The following PCNX1 variants were observed in gnomAD, a reference collection of about 807,000 sequenced individuals.
PCNX1 encodes the protein pecanex-like protein 1.
In PCNX1, 78 loss-of-function variants were observed where a neutral mutation model predicts 242.2. The observed-to-expected ratio is 0.32, with a 90% confidence interval of 0.27 to 0.39. The LOEUF (loss-of-function observed/expected upper bound fraction) is 0.39, where lower values mean the gene tolerates loss of function less well. PCNX1 is among the 10% of genes least tolerant of loss of function. PCNX1 has a pLI of 1.00. For synonymous variants in PCNX1, 1,024 were observed against 1,032.9 expected (o/e 0.99, Z 0.17); for missense variants, 2,581 against 2,856.5 (o/e 0.90, Z 2.20).
At chr14:71,039,040 G>T (rs1465183563) in intron 19 of PCNX1, among the ~76,000 whole-genome samples, 2 of 151,710 alleles carry the variant, frequency 1.3e-5, no homozygotes, top group Non-Finnish European at 2.9e-5. Context: ...CATGGACACA[G>T]GAAGGGGAAC....
At position 70,907,578 on chromosome 14, in the gene PCNX1, A is replaced by C. The variant is rs2055613202; in HGVS notation, c.-273A>C. ...GCGGCTCCGGGTGTTAGGAGACAAG[A>C]TGGCGGCGGCTCTCAGAAGGCCGGT... On this transcript the variant is annotated 5_prime_UTR_variant, in exon 1 of 36. It removes an upstream start codon present in the reference 5' UTR. Transcript: ENST00000304743. 1 of 191,212 alleles carries C rather than the reference A, an allele frequency of 5.2e-6. No individual in the cohort carries two copies. The highest frequency in any genetic ancestry group is 2.4e-5 in the African/African-American group (1 of 41,462). The allele number at this position is 191,212 out of a possible 1,614,324, so 11.8% of individuals were successfully genotyped here. A position where few individuals can be genotyped will look rare whatever the true frequency, so the allele number is the denominator to read the frequency against.
At chr14:70,928,799 A>G (rs1292365492) in intron 1 of PCNX1, among the ~76,000 whole-genome samples, 1 of 152,188 alleles carries the variant, frequency 6.6e-6, no homozygotes, top group African/African-American at 2.4e-5. Context: ...TCTGTACCAG[A>G]CTATTTCTTT....
At chr14:70,959,049 A>G (rs1296811043) in intron 2 of PCNX1, among the ~76,000 whole-genome samples, 1 of 150,082 alleles carries the variant, frequency 6.7e-6, no homozygotes, top group Admixed American at 6.6e-5. Context: ...TATATAGACT[A>G]TTGACTACTT....
At chr14:71,050,154 T>TG (rs2060981531) in intron 22 of PCNX1, among the ~76,000 whole-genome samples, 1 of 102,886 alleles carries the variant, frequency 9.7e-6, no homozygotes, top group Non-Finnish European at 1.8e-5. Context: ...GCAGACATCT[T>TG]GATTTTTTTT....
intron 2 of PCNX1, among the ~76,000 whole-genome samples, chr14:70,957,088 C>T (rs1239213655): frequency 5.3e-5 from 8 of 152,100 alleles, no homozygotes; most frequent in South Asian, 4.2e-4. Context: ...CTTTACCTCC[C>T]GGGCTAAATC....
chr14:70,962,320 C>G lies in PCNX1; in HGVS notation c.457C>G (p.Pro153Ala), dbSNP rs751334756. 1 of 1,605,980 alleles carries G rather than the reference C, an allele frequency of 6.2e-7. No individual in the cohort carries two copies. The highest frequency in any genetic ancestry group is 8.5e-7 in the Non-Finnish European group (1 of 1,172,676). The change falls in exon 3 of 36, where the codon CCA becomes GCA. Residue 153 changes from proline to alanine, a missense_variant. By Grantham distance (27) the Pro-to-Ala change is conservative. Coordinates refer to ENST00000304743, the MANE Select transcript of PCNX1 (RefSeq NM_014982.3). Reference protein sequence around the residue: ...SSRNSYAGLDPSNQIGSGSSR... With the variant: ...SSRNSYAGLDASNQIGSGSSR... ...CAGAAATTCTTATGCCGGTCTAGAT[C>G]CAAGCAACCAGGTAGGAACCTGCGC...
At position 71,023,310 on chromosome 14, in the gene PCNX1, T is replaced by C. The variant is rs532234701; in HGVS notation, c.3183+78T>C. The C allele has an allele frequency of 4.0e-4, 466 of 1,152,236 alleles. 2 individuals are homozygous for C. The highest frequency in any genetic ancestry group is 3.0e-3 in the Middle Eastern group (15 of 5,058). The allele number at this position is 1,152,236 out of a possible 1,614,324, so 71.4% of individuals were successfully genotyped here. On this transcript the variant is annotated intron_variant, in intron 13 of 35. Transcript: ENST00000304743. ...ATATTTGTGGTTTGTTTTTTGTTTT[T>C]TTGTTTTGTTTGGAATGCATCAGCC...
chr14:71,109,427 G>T, intron 34 of PCNX1, 25 bp from the exon 35 acceptor site: 1 of 1,576,112 alleles, frequency 6.3e-7, no homozygotes, highest in Non-Finnish European at 8.6e-7. Flanking sequence ...AAAATGAATT[G>T]GAAATGTTTT....
chr14:71,030,467 C>A (rs1404996546), intron 16 of PCNX1, among the ~76,000 whole-genome samples: 1 of 152,096 alleles, frequency 6.6e-6, no homozygotes, highest in African/African-American at 2.4e-5. Flanking sequence ...GTCTGGCCAC[C>A]TCTAGGGTTT....
chr14:71,038,520 A>G (rs1230233600), intron 19 of PCNX1, among the ~76,000 whole-genome samples: 11 of 152,142 alleles, frequency 7.2e-5, no homozygotes, highest in African/African-American at 2.2e-4. Context: ...CAAAACCACA[A>G]TGAGATACCA....
chr14:71,053,837 G>A (rs796674685), intron 24 of PCNX1, among the ~76,000 whole-genome samples: 7 of 152,286 alleles, frequency 4.6e-5, no homozygotes, highest in African/African-American at 1.7e-4. Context: ...AGTGAGAAGA[G>A]TGGCATTGTT....
At chr14:71,079,880 A>G (rs2061809578) in intron 28 of PCNX1, among the ~76,000 whole-genome samples, 1 of 152,026 alleles carries the variant, frequency 6.6e-6, no homozygotes, top group African/African-American at 2.4e-5. Flanking sequence ...GTTTAATTAG[A>G]TCCCATTTGT....
At chr14:71,037,818 A>T (rs1324599743) in intron 19 of PCNX1, among the ~76,000 whole-genome samples, 2 of 150,066 alleles carry the variant, frequency 1.3e-5, no homozygotes, top group Non-Finnish European at 3.0e-5. Context: ...ACCTGACTTC[A>T]AACTATACTA....
intron 28 of PCNX1, among the ~76,000 whole-genome samples, chr14:71,080,074 T>C (rs940068714): frequency 2.0e-5 from 3 of 152,250 alleles, no homozygotes; most frequent in African/African-American, 7.2e-5. Flanking sequence ...GGGTCCAGTT[T>C]CAGTTTTCTG....
At chr14:71,043,161 T>C (rs2060759167) in intron 19 of PCNX1, among the ~76,000 whole-genome samples, 1 of 152,144 alleles carries the variant, frequency 6.6e-6, no homozygotes, top group African/African-American at 2.4e-5. Flanking sequence ...ACTGAGAAAT[T>C]AGATGTTAGT....
intron 26 of PCNX1, among the ~76,000 whole-genome samples, chr14:71,069,315 A>G (rs1018468751): frequency 5.9e-5 from 9 of 152,120 alleles, no homozygotes; most frequent in African/African-American, 2.2e-4. Flanking sequence ...AAATTGAACC[A>G]TTTTTCATTT....
chr14:70,974,064 GTTT>G (rs544807552), intron 5 of PCNX1, among the ~76,000 whole-genome samples: 3 of 140,512 alleles, frequency 2.1e-5, no homozygotes, highest in Admixed American at 7.1e-5. Flanking sequence ...ATTATATGTG[GTTT>G]TTTTTTTTTT....
At chr14:70,925,566 ATCT>A in intron 1 of PCNX1, among the ~76,000 whole-genome samples, 2 of 111,980 alleles carry the variant, frequency 1.8e-5, no homozygotes, top group East Asian at 2.5e-4. Context: ...CACTTACCTC[ATCT>A]TTTTTTTTTT....
intron 2 of PCNX1, among the ~76,000 whole-genome samples, chr14:70,960,837 G>A (rs528286503): frequency 3.9e-5 from 6 of 152,096 alleles, no homozygotes; most frequent in Admixed American, 2.0e-4. Flanking sequence ...CAAAATCAAT[G>A]TACAAAAATC....
Sources: allele counts gnomAD v4.1 joint callset (sites outside exome capture counted in the v4.1 genomes callset), GRCh38; gene constraint gnomAD v4.1.1; transcripts MANE v1.5; gene names NCBI Gene and HGNC (gene_info 2026-07-23, HGNC 2026-07-21).